EPHA4: variants seen among roughly 807,000 people sequenced by gnomAD.
The protein encoded by EPHA4 is EPH receptor A4.
Under a neutral mutation model 108.3 loss-of-function variants are expected in EPHA4, and 19 were observed. That is an observed-to-expected ratio of 0.18 (90% CI 0.12 to 0.26). The LOEUF is 0.26. Ranked by LOEUF, EPHA4 falls within the 10% of genes least tolerant of loss-of-function variation. The pLI, the probability that EPHA4 is intolerant of heterozygous loss-of-function variation, is 1.00. For missense variants in EPHA4, 917 were observed against 1,254.0 expected (o/e 0.73, Z 4.06); for synonymous variants, 449 against 455.5 (o/e 0.99, Z 0.18).
intron 3 of EPHA4, among the ~76,000 whole-genome samples, chr2:221,519,028 CAAG>C (rs1387599573): frequency 4.6e-5 from 7 of 152,048 alleles, no homozygotes; most frequent in Non-Finnish European, 2.9e-5. Flanking sequence ...GGGGCTGGTG[CAAG>C]AAGAAATAAA....
At chr2:221,452,341 G>A (rs1253906257) in intron 8 of EPHA4, among the ~76,000 whole-genome samples, 1 of 152,238 alleles carries the variant, frequency 6.6e-6, no homozygotes, top group African/African-American at 2.4e-5. Context: ...ACTGGCTGAA[G>A]TCTGGCAAGA....
chr2:221,488,633 A>C (rs1346183134), intron 4 of EPHA4, among the ~76,000 whole-genome samples: 1 of 152,218 alleles, frequency 6.6e-6, no homozygotes, highest in African/African-American at 2.4e-5. Flanking sequence ...TTCAGTTGAC[A>C]GGAGTTTGAC....
rs1296692265 is a variant in EPHA4, at chr2:221,482,701, A to T, written c.980-11T>A. On this transcript the variant is annotated splice_polypyrimidine_tract_variant and intron_variant, in intron 4 of 17. Coordinates refer to ENST00000281821, the MANE Select transcript of EPHA4 (RefSeq NM_004438.5). ...GAGCAGATGGTGGACCTGGAGAAAG[A>T]AAACCACATCATCACACCAAGAACC... 6.3e-7 allele frequency: 1 copy of T among 1,579,258 alleles called. No homozygotes were observed. Among genetic ancestry groups the T allele is most frequent in the African/African-American group, 1.3e-5 (1 of 74,162 alleles).
intron 8 of EPHA4, among the ~76,000 whole-genome samples, chr2:221,448,423 T>C (rs557724513): frequency 6.6e-6 from 1 of 152,328 alleles, no homozygotes; most frequent in African/African-American, 2.4e-5. Flanking sequence ...GTACATTCAC[T>C]TAAAGTGAAT....
chr2:221,445,332 G>A (rs1220551343), intron 9 of EPHA4, among the ~76,000 whole-genome samples: 1 of 151,970 alleles, frequency 6.6e-6, no homozygotes, highest in Non-Finnish European at 1.5e-5. Flanking sequence ...GCTCACACCT[G>A]TAATCCCAGC....
chr2:221,522,763 TATTATTA>T (rs1559278106), intron 3 of EPHA4, among the ~76,000 whole-genome samples: 7 of 76,120 alleles, frequency 9.2e-5, no homozygotes, highest in African/African-American at 3.1e-4. Flanking sequence ...TTATTATTAT[TATTATTA>T]TTATTTTTTT....
At chr2:221,435,375 A>G (rs1690199570) in intron 13 of EPHA4, among the ~76,000 whole-genome samples, 1 of 151,810 alleles carries the variant, frequency 6.6e-6, no homozygotes, top group Non-Finnish European at 1.5e-5. Context: ...CAACATTCAC[A>G]AAGATCTATT....
intron 11 of EPHA4, among the ~76,000 whole-genome samples, chr2:221,441,474 C>A (rs766418917): frequency 2.0e-5 from 3 of 152,008 alleles, no homozygotes; most frequent in African/African-American, 7.3e-5. Context: ...CCGCTGAGAG[C>A]CACCTCCATC....
At chr2:221,475,392 C>T (rs907044433) in intron 5 of EPHA4, among the ~76,000 whole-genome samples, 3 of 152,084 alleles carry the variant, frequency 2.0e-5, no homozygotes, top group Non-Finnish European at 2.9e-5. Flanking sequence ...GAGTCAAAAC[C>T]TTTACAAAAT....
intron 4 of EPHA4, among the ~76,000 whole-genome samples, chr2:221,491,969 T>G (rs1238733478): frequency 6.6e-6 from 1 of 151,834 alleles, no homozygotes; most frequent in Non-Finnish European, 1.5e-5. Context: ...GAGCTGAGAT[T>G]GCACCACTGG....
At chr2:221,487,350 T>G (rs1692008916) in intron 4 of EPHA4, among the ~76,000 whole-genome samples, 1 of 152,206 alleles carries the variant, frequency 6.6e-6, no homozygotes, top group African/African-American at 2.4e-5. Flanking sequence ...TGTCCTGTTT[T>G]TACAGCTGTG....
intron 1 of EPHA4, among the ~76,000 whole-genome samples, chr2:221,570,351 A>C (rs898859024): frequency 1.2e-4 from 18 of 152,044 alleles, no homozygotes; most frequent in African/African-American, 4.1e-4. Flanking sequence ...TTTAAAAAAA[A>C]GAAAGAAAAC....
At chr2:221,513,623 C>A (rs1692898402) in intron 3 of EPHA4, among the ~76,000 whole-genome samples, 1 of 152,124 alleles carries the variant, frequency 6.6e-6, no homozygotes, top group South Asian at 2.1e-4. Flanking sequence ...TTAATCCTGG[C>A]TCCTCTGATG....
At chr2:221,464,920 C>T (rs1197549115) in intron 5 of EPHA4, among the ~76,000 whole-genome samples, 2 of 152,072 alleles carry the variant, frequency 1.3e-5, no homozygotes, top group Non-Finnish European at 2.9e-5. Context: ...TTATTTGACA[C>T]AAAAACATAG....
intron 15 of EPHA4, 76 bp downstream of exon 15, chr2:221,429,882 A>G: frequency 6.5e-7 from 1 of 1,545,948 alleles, no homozygotes; most frequent in East Asian, 2.3e-5. Flanking sequence ...AAAGGCAGGA[A>G]TTTAAGTGAG....
intron 5 of EPHA4, among the ~76,000 whole-genome samples, chr2:221,478,599 C>T (rs1454930212): frequency 1.3e-5 from 2 of 152,212 alleles, no homozygotes; most frequent in African/African-American, 4.8e-5. Flanking sequence ...CACCCCCACC[C>T]TTACTCTTTT....
chr2:221,525,658 G>A (rs1693301077), intron 3 of EPHA4, among the ~76,000 whole-genome samples: 1 of 152,082 alleles, frequency 6.6e-6, no homozygotes, highest in Non-Finnish European at 1.5e-5. Context: ...TATTAAGTGA[G>A]GAATAATAAT....
intron 6 of EPHA4, 50 bp from the exon 7 acceptor site, chr2:221,456,822 G>T (rs1350564254): frequency 6.2e-7 from 1 of 1,602,906 alleles, no homozygotes; most frequent in African/African-American, 1.3e-5. Context: ...TAAATCTCCT[G>T]CTTACTTACT....
intron 17 of EPHA4, among the ~76,000 whole-genome samples, chr2:221,423,988 G>A (rs1020066057): frequency 2.0e-5 from 3 of 151,814 alleles, no homozygotes; most frequent in African/African-American, 7.3e-5. Context: ...TGGGTGGTGG[G>A]TGCCTGTAAT....
Sources: allele counts gnomAD v4.1 joint callset (sites outside exome capture counted in the v4.1 genomes callset), GRCh38; gene constraint gnomAD v4.1.1; transcripts MANE v1.5; gene names NCBI Gene and HGNC (gene_info 2026-07-23, HGNC 2026-07-21).